The following RAB3B variants were observed in gnomAD, a reference collection of about 807,000 sequenced individuals.
RAB3B encodes the protein RAB3B, member RAS oncogene family.
A neutral mutation model predicts 20.5 loss-of-function variants in RAB3B; 11 were observed. The observed-to-expected ratio is 0.54, with a 90% CI of 0.34 to 0.89. The LOEUF (loss-of-function observed/expected upper bound fraction) is 0.89, where lower values mean the gene tolerates loss of function less well. RAB3B is among the 40% of genes least tolerant of loss of function. The pLI, the probability that RAB3B is intolerant of heterozygous loss-of-function variation, is 0.02. For missense variants in RAB3B, 225 were observed against 280.9 expected (o/e 0.80, Z 1.42); for synonymous variants, 99 against 106.3 (o/e 0.93, Z 0.42).
intron 2 of RAB3B, among the ~76,000 whole-genome samples, chr1:51,956,962 C>T (rs1358109285): frequency 6.6e-6 from 1 of 152,234 alleles, no homozygotes; most frequent in Middle Eastern, 3.2e-3. Context: ...AACTTCTCTT[C>T]TATCCTCTCT....
chr1:51,939,294 C>A (rs1037280201), intron 2 of RAB3B, among the ~76,000 whole-genome samples: 2 of 152,276 alleles, frequency 1.3e-5, no homozygotes, highest in Non-Finnish European at 2.9e-5. Flanking sequence ...CTATGAGATT[C>A]CAGTGAGGTA....
intron 1 of RAB3B, among the ~76,000 whole-genome samples, chr1:51,985,158 C>A (rs1352145292): frequency 6.6e-6 from 1 of 152,164 alleles, no homozygotes; most frequent in African/African-American, 2.4e-5. Flanking sequence ...CACAGTTTCT[C>A]GGCCCATGGA....
Position 51,928,066 on chromosome 1 carries a change from A to G in RAB3B, c.472+5252T>C, listed in dbSNP as rs915933311. On this transcript the variant is annotated intron_variant, in intron 4 of 4. Transcript: ENST00000371655. The stretch of plus-strand genomic sequence containing the variant: ...ATCTATATGATCTCAACCAAGTCCC[A>G]GGAACTTTGAGGATATGGAAGGCCA... Among the ~76,000 whole-genome samples the G allele has an allele frequency of 2.0e-5, 3 of 152,150 alleles. No individual in the cohort carries two copies. The East Asian group carries it at 5.8e-4, about 29-fold the overall frequency.
intron 4 of RAB3B, 67 bp from the exon 5 acceptor site, chr1:51,920,181 C>T (rs1684153643): frequency 1.4e-6 from 2 of 1,412,016 alleles, no homozygotes; most frequent in Admixed American, 2.0e-5. Flanking sequence ...TCTGTGCCCT[C>T]AGCCCAAGCA....
intron 3 of RAB3B, among the ~76,000 whole-genome samples, chr1:51,933,801 C>T (rs1375687147): frequency 6.6e-6 from 1 of 152,148 alleles, no homozygotes; most frequent in Non-Finnish European, 1.5e-5. Context: ...GTTATAGCAG[C>T]CCAAACTGAC....
Position 51,910,883 on chromosome 1 carries a change from CT to C in RAB3B, c.*9043del, listed in dbSNP as rs1357686295. Reference sequence around the variant, plus strand: ...TACTGCTCAGGGACTTGCTGATTTACTTTGCTGTCTATTAGCCTTTCTGTGA... The same window carrying C: ...TACTGCTCAGGGACTTGCTGATTTACTTGCTGTCTATTAGCCTTTCTGTGA... On this transcript the variant is annotated 3_prime_UTR_variant, in exon 5 of 5. Coordinates refer to ENST00000371655, the MANE Select transcript of RAB3B (RefSeq NM_002867.4). 3 of 152,214 alleles carry C rather than the reference CT, an allele frequency of 2.0e-5. No homozygotes were observed. The highest frequency in any genetic ancestry group is 2.9e-5 in the Non-Finnish European group (2 of 68,040). The allele number at this position is 152,214 out of a possible 1,614,324, so 9.4% of individuals were successfully genotyped here. A position where few individuals can be genotyped will look rare whatever the true frequency, so the allele number is the denominator to read the frequency against.
intron 2 of RAB3B, among the ~76,000 whole-genome samples, chr1:51,967,515 C>CTTTTTTT (rs67927521): frequency 6.1e-5 from 1 of 16,434 alleles, no homozygotes; most frequent in African/African-American, 9.3e-5. Context: ...CTTTTCTTTT[C>CTTTTTTT]TTTTTCTTTT....
intron 2 of RAB3B, among the ~76,000 whole-genome samples, chr1:51,953,643 A>T (rs990958536): frequency 6.6e-6 from 1 of 152,188 alleles, no homozygotes; most frequent in Non-Finnish European, 1.5e-5. Context: ...TCTACTAAAA[A>T]TACAAAAATT....
chr1:51,980,642 G>A, intron 1 of RAB3B: 1 of 760,544 alleles, frequency 1.3e-6, no homozygotes, highest in Non-Finnish European at 2.4e-6. Flanking sequence ...TCTGAAGTGA[G>A]CATCTTCGAT....
chr1:51,956,283 TA>T (rs1684705703), intron 2 of RAB3B, among the ~76,000 whole-genome samples: 1 of 152,194 alleles, frequency 6.6e-6, no homozygotes, highest in Non-Finnish European at 1.5e-5. Context: ...TAATAATTGT[TA>T]ACACGAATTG....
chr1:51,908,467 A>T lies in RAB3B; in HGVS notation c.*11460T>A, dbSNP rs756207843. 6.6e-6 allele frequency: 1 copy of T among 152,022 alleles called. No homozygotes were observed. The highest frequency in any genetic ancestry group is 6.6e-5 in the Admixed American group (1 of 15,234). The allele number at this position is 152,022 out of a possible 1,614,324, so 9.4% of individuals were successfully genotyped here. ...TGATATGCAAATTGCATAAGGTGACATCTCTCTGTGTGGCCACAGAGATAG... is the reference window on the plus strand; with the variant it reads ...TGATATGCAAATTGCATAAGGTGACTTCTCTCTGTGTGGCCACAGAGATAG... On this transcript the variant is annotated 3_prime_UTR_variant, in exon 5 of 5. Transcript: ENST00000371655.
rs1684019446 is a variant in RAB3B, at chr1:51,912,578, T to TAAAAA, written c.*7348_*7349insTTTTT. The TAAAAA allele has an allele frequency of 4.1e-5, 1 of 24,636 alleles. No homozygotes were observed. Among genetic ancestry groups the TAAAAA allele is most frequent in the Non-Finnish European group, 9.0e-5 (1 of 11,068 alleles). 1.5% of individuals were successfully genotyped at this position (24,636 alleles called of 1,614,324 possible). ...AAATATATATATATATATATATATA[T>TAAAAA]ATATATATATATATATATATATAAA... On this transcript the variant is annotated 3_prime_UTR_variant, in exon 5 of 5. Transcript: ENST00000371655.
rs1174331908 is a variant in RAB3B, at chr1:51,976,928, C to T, written c.190G>A (p.Val64Ile). The stretch of plus-strand genomic sequence containing the variant: ...TTCACCCGCTTCTCGTGACGGTAGA[C>T]TGTCTTCACCTTGAAGTCGATGCCC... ...TVGIDFKVKTVYRHEKRVKLQ... is the reference protein window; with the variant it reads ...TVGIDFKVKTIYRHEKRVKLQ... The change falls in exon 2 of 5, where the codon GTC becomes ATC. Residue 64 changes from valine to isoleucine, a missense_variant. Transcript: ENST00000371655. 2 of 1,614,226 alleles carry T rather than the reference C, an allele frequency of 1.2e-6. No individual in the cohort carries two copies. The highest frequency in any genetic ancestry group is 1.7e-5 in the Admixed American group (1 of 60,028).
At chr1:51,942,110 C>A (rs1935292) in intron 2 of RAB3B, among the ~76,000 whole-genome samples, 26 of 152,104 alleles carry the variant, frequency 1.7e-4, no homozygotes, top group Admixed American at 1.7e-3. Flanking sequence ...TGATCTGTAG[C>A]TTCAGTCCCT....
chr1:51,919,877 A>G lies in RAB3B; in HGVS notation c.*50T>C. 6.5e-7 allele frequency: 1 copy of G among 1,547,496 alleles called. No homozygotes were observed. Among genetic ancestry groups the G allele is most frequent in the South Asian group, 1.2e-5 (1 of 83,938 alleles). ...CGGACAGTGTGTAACAGGGAGAAGC[A>G]GACTGGGTGTGGGGCCACAATGAGG... On this transcript the variant is annotated 3_prime_UTR_variant, in exon 5 of 5. Coordinates refer to ENST00000371655, the MANE Select transcript of RAB3B (RefSeq NM_002867.4).
rs111530799 is a variant in RAB3B at position 51,980,975 on chromosome 1, C to T, written c.1-3858G>A. 2.5e-3 allele frequency among the ~76,000 whole-genome samples: 376 copies of T among 152,216 alleles called. 2 individuals carry two copies. Among genetic ancestry groups the T allele is most frequent in the African/African-American group, 8.8e-3 (366 of 41,542 alleles). On this transcript the variant is annotated intron_variant, in intron 1 of 4. Coordinates refer to ENST00000371655, the MANE Select transcript of RAB3B (RefSeq NM_002867.4). ...TTACGGAAAATAATTCAAGCATATC[C>T]TATTTGCAAGTATTACCTTTTTTAC...
At chr1:51,927,802 CAAAACAAAAT>C in intron 4 of RAB3B, among the ~76,000 whole-genome samples, 1 of 152,114 alleles carries the variant, frequency 6.6e-6, no homozygotes. Flanking sequence ...GATCTTGCCT[CAAAACAAAAT>C]AAAACAAAAA....
At position 51,984,263 on chromosome 1, in the gene RAB3B, T is replaced by TAAA. The variant is rs1166997647; in HGVS notation, c.-1+6286_-1+6288dup. Among the ~76,000 whole-genome samples the TAAA allele has an allele frequency of 2.9e-3, 60 of 20,672 alleles. 8 individuals are homozygous for TAAA. The highest frequency in any genetic ancestry group is 9.7e-3 in the African/African-American group (54 of 5,564). 13.6% of individuals were successfully genotyped at this position (20,672 alleles called of 152,430 possible). On this transcript the variant is annotated intron_variant, in intron 1 of 4. Transcript: ENST00000371655. ...CAGGCAACAGTGGAGACTCTCTAATTAAAAAAAAAAAAAAAAAAAAAAAAA... is the reference window on the plus strand; with the variant it reads ...CAGGCAACAGTGGAGACTCTCTAATTAAAAAAAAAAAAAAAAAAAAAAAAAAAA...
chr1:51,923,314 CA>C (rs1684198347), intron 4 of RAB3B, among the ~76,000 whole-genome samples: 1 of 152,134 alleles, frequency 6.6e-6, no homozygotes, highest in Admixed American at 6.5e-5. Context: ...CATTCTAACC[CA>C]GGTAGAGGAA....
Sources: allele counts gnomAD v4.1 joint callset (sites outside exome capture counted in the v4.1 genomes callset), GRCh38; gene constraint gnomAD v4.1.1; transcripts MANE v1.5; gene names NCBI Gene and HGNC (gene_info 2026-07-23, HGNC 2026-07-21).